The following ABCA13 variants were observed in gnomAD, a reference collection of about 807,000 sequenced individuals.
ABCA13 encodes ATP binding cassette subfamily A member 13.
A neutral mutation model predicts 478.7 loss-of-function variants in ABCA13; 476 were observed. The ratio of observed to expected loss-of-function variants is 0.99; its 90% CI spans 0.92 to 1.07. The LOEUF (loss-of-function observed/expected upper bound fraction) is 1.07, where lower values mean the gene tolerates loss of function less well. ABCA13 is among the 50% of genes least tolerant of loss of function. The pLI, the probability that ABCA13 is intolerant of heterozygous loss-of-function variation, is 0.00. For synonymous variants in ABCA13, 2,252 were observed against 2,158.9 expected (o/e 1.04, Z -1.20); for missense variants, 6,060 against 5,910.6 (o/e 1.03, Z -0.83).
At chr7:48,328,679 A>G (rs757866835) in intron 27 of ABCA13, among the ~76,000 whole-genome samples, 2 of 152,086 alleles carry the variant, frequency 1.3e-5, no homozygotes, top group Non-Finnish European at 2.9e-5. Context: ...ATCTTAATTA[A>G]TTTATTAGTG....
chr7:48,400,636 A>G (rs1817478271), intron 38 of ABCA13, among the ~76,000 whole-genome samples: 1 of 152,258 alleles, frequency 6.6e-6, no homozygotes, highest in Middle Eastern at 3.2e-3. Context: ...TGTCTTCTTT[A>G]ATTTTTAAGT....
intron 42 of ABCA13, among the ~76,000 whole-genome samples, chr7:48,436,944 A>G (rs909878986): frequency 1.3e-5 from 2 of 151,818 alleles, no homozygotes; most frequent in African/African-American, 4.8e-5. Context: ...ATAACATGTG[A>G]TCTATCCTTG....
Position 48,437,182 on chromosome 7 carries a change from A to T in ABCA13, c.12565+9311A>T, listed in dbSNP as rs1159703278. Among the ~76,000 whole-genome samples, 3 of 151,900 alleles carry T rather than the reference A, an allele frequency of 2.0e-5. No individual in the cohort carries two copies. The South Asian group carries it at 6.2e-4, about 31-fold the overall frequency. ...TCATTTCTGCCAGTATTTGCTTCAT[A>T]TGTTATGAGCTCTCATGATGGGTAT... On this transcript the variant is annotated intron_variant, in intron 42 of 61. Transcript: ENST00000435803.
At chr7:48,238,495 G>A (rs905703155) in intron 8 of ABCA13, among the ~76,000 whole-genome samples, 2 of 149,458 alleles carry the variant, frequency 1.3e-5, no homozygotes, top group African/African-American at 4.9e-5. Flanking sequence ...TTAAGACAGA[G>A]TCTCACTCTG....
intron 43 of ABCA13, among the ~76,000 whole-genome samples, chr7:48,462,510 TTTTTGGGGGGTGGGGGA>T (rs1826371548): frequency 6.6e-6 from 1 of 151,938 alleles, no homozygotes; most frequent in Non-Finnish European, 1.5e-5. Context: ...CAGGGTAATT[TTTTTGGGGGGTGGGGGA>T]GTACAGGGTC....
At chr7:48,496,587 T>G (rs1251516385) in intron 48 of ABCA13, among the ~76,000 whole-genome samples, 2 of 152,144 alleles carry the variant, frequency 1.3e-5, no homozygotes, top group African/African-American at 2.4e-5. Context: ...TCCTTTGTGC[T>G]TATGTAACTT....
Position 48,539,155 on chromosome 7 carries a change from C to T in ABCA13, c.14354+10810C>T, listed in dbSNP as rs1014911673. 6.9e-4 allele frequency among the ~76,000 whole-genome samples: 105 copies of T among 151,916 alleles called. 2 individuals carry two copies. Among genetic ancestry groups the T allele is most frequent in the Non-Finnish European group, 3.4e-4 (23 of 67,870 alleles). On this transcript the variant is annotated intron_variant, in intron 55 of 61. Coordinates refer to ENST00000435803, the MANE Select transcript of ABCA13 (RefSeq NM_152701.5). Reference sequence around the variant, plus strand: ...TAGCACTTTGGGAGGCTGTGGCGGGCGAATTGCTTGAGCCCAGAGTTTGAG... The same window carrying T: ...TAGCACTTTGGGAGGCTGTGGCGGGTGAATTGCTTGAGCCCAGAGTTTGAG...
chr7:48,635,440 G>C (rs914569431), intron 59 of ABCA13, among the ~76,000 whole-genome samples: 2 of 152,166 alleles, frequency 1.3e-5, no homozygotes, highest in Non-Finnish European at 2.9e-5. Flanking sequence ...AGTGACCTCA[G>C]ATTCTCTCAG....
chr7:48,506,356 C>T lies in ABCA13; in HGVS notation c.13312C>T (p.Pro4438Ser), dbSNP rs571827203. Residue 4438 changes from proline to serine, a missense_variant, in exon 49 of 62, where the codon CCA becomes TCA. Physicochemically the swap from Pro to Ser is moderately conservative, Grantham distance 74. Coordinates refer to ENST00000435803, the MANE Select transcript of ABCA13 (RefSeq NM_152701.5). ...RQYGITLYSH[P>S]YGGALLNEDK... ...CACAGGAATAACACTCTACAGCCAC[C>T]CATATGGAGGGGCCTTGCTGAACGA... 6.2e-7 allele frequency: 1 copy of T among 1,613,786 alleles called. No individual in the cohort carries two copies. The highest frequency in any genetic ancestry group is 1.1e-5 in the South Asian group (1 of 91,068).
intron 42 of ABCA13, among the ~76,000 whole-genome samples, chr7:48,448,647 GTTT>G (rs772022785): frequency 6.6e-6 from 1 of 151,890 alleles, no homozygotes; most frequent in Non-Finnish European, 1.5e-5. Context: ...CCTATATTGT[GTTT>G]TTTTAAGAAA....
rs199795299 is a variant in ABCA13, at chr7:48,360,138, C to T, written c.10688+7651C>T. On this transcript the variant is annotated intron_variant, in intron 31 of 61. Transcript: ENST00000435803. ...CATGTGCCATGTTGGTGTGCTGCAC[C>T]CATTAACTCGTCATTTACATTAGGT... Among the ~76,000 whole-genome samples the T allele has an allele frequency of 7.9e-5, 12 of 151,364 alleles. No individual in the cohort carries two copies. In the East Asian group the frequency reaches 1.6e-3, roughly 20 times the overall value.
intron 45 of ABCA13, among the ~76,000 whole-genome samples, chr7:48,473,312 G>A (rs146376381): frequency 4.6e-5 from 7 of 152,250 alleles, no homozygotes; most frequent in Non-Finnish European, 8.8e-5. Context: ...CAAGCTCCCC[G>A]TGCAAGCTTC....
At chr7:48,195,567 A>G (rs1193813497) in intron 2 of ABCA13, among the ~76,000 whole-genome samples, 1 of 152,112 alleles carries the variant, frequency 6.6e-6, no homozygotes, top group Non-Finnish European at 1.5e-5. Flanking sequence ...AGGGCACAGG[A>G]CATGTGGGGG....
intron 47 of ABCA13, among the ~76,000 whole-genome samples, chr7:48,487,309 A>G (rs1364762772): frequency 7.0e-5 from 6 of 86,278 alleles, no homozygotes; most frequent in African/African-American, 5.4e-4. Context: ...ACTGTGTCTC[A>G]AAAAAAAAAC....
intron 37 of ABCA13, among the ~76,000 whole-genome samples, chr7:48,391,031 TA>T (rs1815967927): frequency 6.6e-6 from 1 of 152,190 alleles, no homozygotes; most frequent in Non-Finnish European, 1.5e-5. Flanking sequence ...AAAACTTAAA[TA>T]ATAAACTTCC....
intron 55 of ABCA13, among the ~76,000 whole-genome samples, chr7:48,565,647 CAAAACA>C (rs1056437005): frequency 5.9e-5 from 9 of 152,064 alleles, no homozygotes; most frequent in African/African-American, 1.4e-4. Context: ...CAAAACAAAA[CAAAACA>C]AAAACAAAAA....
chr7:48,483,400 A>G (rs1828979342), intron 47 of ABCA13, among the ~76,000 whole-genome samples: 1 of 152,228 alleles, frequency 6.6e-6, no homozygotes, highest in Non-Finnish European at 1.5e-5. Context: ...CCTAGTAAAT[A>G]TAAAGTGGAG....
chr7:48,177,616 A>G (rs1647810043), intron 1 of ABCA13, among the ~76,000 whole-genome samples: 1 of 152,154 alleles, frequency 6.6e-6, no homozygotes, highest in South Asian at 2.1e-4. Flanking sequence ...CAGCACTTAC[A>G]CGGAGGTGAC....
intron 55 of ABCA13, among the ~76,000 whole-genome samples, chr7:48,536,852 T>C (rs1272780644): frequency 6.6e-6 from 1 of 151,930 alleles, no homozygotes; most frequent in Non-Finnish European, 1.5e-5. Flanking sequence ...TTATATTTAT[T>C]ATTCATAAGA....
Sources: allele counts gnomAD v4.1 joint callset (sites outside exome capture counted in the v4.1 genomes callset), GRCh38; gene constraint gnomAD v4.1.1; transcripts MANE v1.5; gene names NCBI Gene and HGNC (gene_info 2026-07-23, HGNC 2026-07-21).